The following B3GALT1 variants were observed in gnomAD, a reference collection of about 807,000 sequenced individuals.
B3GALT1 encodes beta-1,3-galactosyltransferase 1.
In B3GALT1, 10 loss-of-function variants were observed where a neutral mutation model predicts 23.2. That is an observed-to-expected ratio of 0.43 (90% CI 0.27 to 0.73). The LOEUF (loss-of-function observed/expected upper bound fraction) is 0.73, where lower values mean the gene tolerates loss of function less well. B3GALT1 is among the 30% of genes least tolerant of loss of function. The pLI is 0.21. For synonymous variants in B3GALT1, 156 were observed against 141.5 expected (o/e 1.10, Z -0.73); for missense variants, 299 against 405.4 (o/e 0.74, Z 2.25).
intron 2 of B3GALT1, among the ~76,000 whole-genome samples, chr2:167,587,739 A>C (rs1684606447): frequency 6.6e-6 from 1 of 152,164 alleles, no homozygotes; most frequent in African/African-American, 2.4e-5. Flanking sequence ...ACATCACCAA[A>C]ATTTGGGCCT....
chr2:167,512,461 A>G lies in B3GALT1; in HGVS notation c.-410+22184A>G, dbSNP rs944537256. On this transcript the variant is annotated intron_variant, in intron 2 of 4. Transcript: ENST00000392690. ...ACCCACTTTTGTTTATGTTAATTATACAAGTCTGTAATTTATATATTTGTA... is the reference window on the plus strand; with the variant it reads ...ACCCACTTTTGTTTATGTTAATTATGCAAGTCTGTAATTTATATATTTGTA... Among the ~76,000 whole-genome samples the G allele has an allele frequency of 5.4e-5, 8 of 148,068 alleles. 1 individual carries two copies. The highest frequency in any genetic ancestry group is 2.0e-4 in the African/African-American group (8 of 40,114).
At chr2:167,818,832 A>C (rs1212460845) in intron 4 of B3GALT1, among the ~76,000 whole-genome samples, 39 bp downstream of exon 4, 1 of 152,142 alleles carries the variant, frequency 6.6e-6, no homozygotes, top group African/African-American at 2.4e-5. Context: ...CACGTTTCTC[A>C]GTTATGCAGC....
At chr2:167,576,231 A>C (rs1181540843) in intron 2 of B3GALT1, among the ~76,000 whole-genome samples, 1 of 151,892 alleles carries the variant, frequency 6.6e-6, no homozygotes, top group East Asian at 1.9e-4. Context: ...AAAATGTTTC[A>C]TTGTAGATCC....
intron 2 of B3GALT1, among the ~76,000 whole-genome samples, chr2:167,531,359 G>A (rs1323992031): frequency 6.6e-6 from 1 of 152,086 alleles, no homozygotes; most frequent in African/African-American, 2.4e-5. Context: ...ATGAAGGACG[G>A]GACTTCTTTA....
chr2:167,374,556 A>G (rs1574053844), intron 1 of B3GALT1, among the ~76,000 whole-genome samples: 1 of 152,066 alleles, frequency 6.6e-6, no homozygotes, highest in Admixed American at 6.6e-5. Context: ...AACCATTCTG[A>G]CTGATGTAAG....
At chr2:167,835,532 G>T (rs375162300) in intron 4 of B3GALT1, among the ~76,000 whole-genome samples, 341 of 131,392 alleles carry the variant, frequency 2.6e-3, no homozygotes, top group South Asian at 5.4e-3. Context: ...CAGCTGGGAA[G>T]CTCCAACTGG....
intron 3 of B3GALT1, among the ~76,000 whole-genome samples, chr2:167,683,366 C>A (rs901340102): frequency 2.0e-5 from 3 of 152,136 alleles, no homozygotes; most frequent in Admixed American, 6.5e-5. Context: ...CAGTACCAGC[C>A]AGTGGAAGCT....
chr2:167,298,079 G>A (rs950467830), intron 1 of B3GALT1, among the ~76,000 whole-genome samples: 2 of 152,078 alleles, frequency 1.3e-5, no homozygotes, highest in African/African-American at 2.4e-5. Context: ...GGAAAACAAT[G>A]TTTTTAAACC....
chr2:167,786,834 G>C (rs1005863179), intron 3 of B3GALT1, among the ~76,000 whole-genome samples: 1 of 152,108 alleles, frequency 6.6e-6, no homozygotes, highest in Non-Finnish European at 1.5e-5. Flanking sequence ...AATATCTGAC[G>C]AGCTTGGCAC....
chr2:167,430,536 G>A (rs562688672), intron 1 of B3GALT1, among the ~76,000 whole-genome samples: 1 of 152,296 alleles, frequency 6.6e-6, no homozygotes, highest in South Asian at 2.1e-4. Context: ...TATCATGGTA[G>A]TAGCAGTGGA....
intron 3 of B3GALT1, among the ~76,000 whole-genome samples, chr2:167,687,333 CTAA>C (rs1406511382): frequency 6.6e-6 from 1 of 152,164 alleles, no homozygotes; most frequent in Non-Finnish European, 1.5e-5. Context: ...AACCACATCT[CTAA>C]TTTAACAGCG....
chr2:167,294,675 T>C (rs916931259), intron 1 of B3GALT1, among the ~76,000 whole-genome samples: 2 of 152,212 alleles, frequency 1.3e-5, no homozygotes, highest in African/African-American at 4.8e-5. Context: ...GAGGCTCCGG[T>C]ACTTGACTGG....
chr2:167,456,751 A>G (rs758509952), intron 1 of B3GALT1, among the ~76,000 whole-genome samples: 7 of 152,190 alleles, frequency 4.6e-5, no homozygotes, highest in Non-Finnish European at 1.0e-4. Context: ...AAAGACATTC[A>G]TTAGGGATAT....
At chr2:167,300,871 T>C (rs1696432781) in intron 1 of B3GALT1, among the ~76,000 whole-genome samples, 2 of 152,168 alleles carry the variant, frequency 1.3e-5, no homozygotes, top group Admixed American at 1.3e-4. Flanking sequence ...TTAACAACTT[T>C]AAGTTAAAAA....
At chr2:167,470,745 CT>C (rs1699409740) in intron 1 of B3GALT1, among the ~76,000 whole-genome samples, 1 of 152,102 alleles carries the variant, frequency 6.6e-6, no homozygotes, top group Non-Finnish European at 1.5e-5. Context: ...TTGGGTTCAT[CT>C]TTTAGTTTTA....
rs145853073 is a variant in B3GALT1 at position 167,432,645 on chromosome 2, T to C, written c.-510-57532T>C. Among the ~76,000 whole-genome samples, 212 of 152,302 alleles carry C rather than the reference T, an allele frequency of 1.4e-3. 3 individuals carry two copies. Among genetic ancestry groups the C allele is most frequent in the African/African-American group, 4.8e-3 (200 of 41,552 alleles). On this transcript the variant is annotated intron_variant, in intron 1 of 4. Transcript: ENST00000392690. The stretch of plus-strand genomic sequence containing the variant: ...CTGCCCTATTTTTGTGGAGCTCTTA[T>C]CAGGCATAGATAGTCCTCCACCTTT...
chr2:167,835,101 C>T (rs981404844), intron 4 of B3GALT1, among the ~76,000 whole-genome samples: 5 of 152,156 alleles, frequency 3.3e-5, no homozygotes, highest in South Asian at 2.1e-4. Flanking sequence ...CCAGCATGAG[C>T]GACGCAGAAG....
At chr2:167,459,577 A>G (rs1559103754) in intron 1 of B3GALT1, among the ~76,000 whole-genome samples, 1 of 152,178 alleles carries the variant, frequency 6.6e-6, no homozygotes, top group Non-Finnish European at 1.5e-5. Flanking sequence ...TTGGACTAAT[A>G]ATTTTTTTCA....
chr2:167,494,002 C>T lies in B3GALT1; in HGVS notation c.-410+3725C>T, dbSNP rs553071000. 2.6e-5 allele frequency among the ~76,000 whole-genome samples: 4 copies of T among 152,176 alleles called. No individual in the cohort carries two copies. The South Asian group carries it at 6.2e-4, about 24-fold the overall frequency. On this transcript the variant is annotated intron_variant, in intron 2 of 4. Transcript: ENST00000392690. ...TTCAGTGTGGTTTATGTTAGAAGTA[C>T]TCCTGAGACAGAGTAATAGGGAGAT...
Sources: gnomAD v4.1 joint callset for allele counts (sites outside exome capture counted in the v4.1 genomes callset) on GRCh38, gnomAD v4.1.1 for gene constraint, MANE v1.5 for transcripts, NCBI Gene and HGNC (gene_info 2026-07-23, HGNC 2026-07-21) for gene names.